The following BBS7 variants were observed in gnomAD, a reference collection of about 807,000 sequenced individuals.
BBS7 encodes the protein BBSome complex member BBS7.
Under a neutral mutation model 90.3 loss-of-function variants are expected in BBS7, and 50 were observed. That is an observed-to-expected ratio of 0.55 (90% confidence interval 0.44 to 0.70). The LOEUF (loss-of-function observed/expected upper bound fraction) is 0.70, where lower values mean the gene tolerates loss of function less well. BBS7 is among the 30% of genes least tolerant of loss of function. BBS7 has a pLI of 0.00. For missense variants in BBS7, 729 were observed against 838.9 expected (o/e 0.87, Z 1.62); for synonymous variants, 235 against 287.4 (o/e 0.82, Z 1.85).
intron 2 of BBS7, among the ~76,000 whole-genome samples, chr4:121,866,528 C>G (rs995488052): frequency 6.6e-6 from 1 of 151,960 alleles, no homozygotes; most frequent in Non-Finnish European, 1.5e-5. Flanking sequence ...GCCTCCCAAA[C>G]TGCAGGGATT....
intron 13 of BBS7, among the ~76,000 whole-genome samples, chr4:121,837,628 A>G (rs1345361282): frequency 6.6e-6 from 1 of 152,102 alleles, no homozygotes; most frequent in Non-Finnish European, 1.5e-5. Flanking sequence ...ATTCTGTTGC[A>G]TGGCCTATTT....
Position 121,828,318 on chromosome 4 carries a change from A to G in BBS7, c.1891-49T>C, listed in dbSNP as rs756228493. The G allele has an allele frequency of 4.4e-6, 7 of 1,593,332 alleles. 1 individual carries two copies. The South Asian group carries it at 5.5e-5, about 13-fold the overall frequency. ...CACCTTAATATTCAAAATTCAATCC[A>G]ATGTAATGTTAAAGTATTGATAATT... is the stretch of plus-strand genomic sequence containing the variant. On this transcript the variant is annotated intron_variant, in intron 17 of 18. Coordinates refer to ENST00000264499, the MANE Select transcript of BBS7 (RefSeq NM_176824.3).
chr4:121,852,903 C>T (rs1726395366), intron 8 of BBS7, 53 bp downstream of exon 8: 1 of 1,550,606 alleles, frequency 6.4e-7, no homozygotes, highest in Non-Finnish European at 8.9e-7. Flanking sequence ...CATCTGTCAT[C>T]TCTATAATAA....
At chr4:121,827,322 G>A (rs1415851667) in intron 18 of BBS7, among the ~76,000 whole-genome samples, 1 of 152,178 alleles carries the variant, frequency 6.6e-6, no homozygotes, top group East Asian at 1.9e-4. Flanking sequence ...GATACCAATT[G>A]GCTCTACAGT....
chr4:121,845,582 T>C lies in BBS7; in HGVS notation c.1152A>G (p.Lys384=). The change falls in exon 11 of 19, where the codon AAA becomes AAG. Residue 384 remains lysine, a synonymous_variant. Coordinates refer to ENST00000264499, the MANE Select transcript of BBS7 (RefSeq NM_176824.3). ...TGGCATCATCTTTATTTAGTGTAAA[T>C]TTATCATTTATACCAAAGGAAGGTA... is the stretch of plus-strand genomic sequence containing the variant. The part of the protein sequence containing the change: ...SAVPSFGIND[K]FTLNKDDASY... 1 of 1,612,960 alleles carries C rather than the reference T, an allele frequency of 6.2e-7. No individual in the cohort carries two copies. Among genetic ancestry groups the C allele is most frequent in the Non-Finnish European group, 8.5e-7 (1 of 1,179,270 alleles).
rs142506628 is a variant in BBS7 at position 121,854,893 on chromosome 4, A to T, written c.602-73T>A. On this transcript the variant is annotated intron_variant, in intron 6 of 18. Coordinates refer to ENST00000264499, the MANE Select transcript of BBS7 (RefSeq NM_176824.3). ...ATCTCTTTAAAATTAAAATGTTGTT[A>T]TGTAAAAATATCATTTTAAAAAGTA... is the stretch of plus-strand genomic sequence containing the variant. 8.3e-4 allele frequency: 1,142 copies of T among 1,383,236 alleles called. 13 individuals carry two copies. The African/African-American group carries it at 0.014, about 17-fold the overall frequency. 85.7% of individuals were successfully genotyped at this position (1,383,236 alleles called of 1,614,324 possible). A position where few individuals can be genotyped will look rare whatever the true frequency, so the allele number is the denominator to read the frequency against.
intron 2 of BBS7, among the ~76,000 whole-genome samples, chr4:121,865,237 CTCTCT>C (rs778780318): frequency 9.3e-5 from 10 of 107,380 alleles, no homozygotes; most frequent in East Asian, 2.7e-4. Context: ...TCATTCTTCT[CTCTCT>C]TTTTTTTTTT....
Position 121,856,894 on chromosome 4 carries a change from C to T in BBS7, c.529-1333G>A, listed in dbSNP as rs1578561922. Among the ~76,000 whole-genome samples, 3 of 151,684 alleles carry T rather than the reference C, an allele frequency of 2.0e-5. No individual in the cohort carries two copies. In the South Asian group the frequency reaches 6.2e-4, roughly 31 times the overall value. ...AAGTGATTCTCCTGTCTCAGCTGCC[C>T]GAGTAGCTGGATTACAGGTGCAGGC... On this transcript the variant is annotated intron_variant, in intron 5 of 18. Transcript: ENST00000264499.
intron 15 of BBS7, among the ~76,000 whole-genome samples, chr4:121,831,322 C>CAA: frequency 6.6e-6 from 1 of 151,586 alleles, no homozygotes; most frequent in Non-Finnish European, 1.5e-5. Context: ...AAGGGAGAAT[C>CAA]AAAGAAGGCT....
intron 14 of BBS7, among the ~76,000 whole-genome samples, chr4:121,834,546 A>T (rs1725352545): frequency 6.6e-6 from 1 of 152,184 alleles, no homozygotes; most frequent in Non-Finnish European, 1.5e-5. Flanking sequence ...TCCATTTCTC[A>T]TTTGTAAAAT....
At chr4:121,852,437 T>A (rs1362156301) in intron 8 of BBS7, among the ~76,000 whole-genome samples, 1 of 152,152 alleles carries the variant, frequency 6.6e-6, no homozygotes, top group Non-Finnish European at 1.5e-5. Flanking sequence ...TAGCTTGGCA[T>A]AAATGAGTTT....
rs541953201 is a variant in BBS7 at position 121,840,515 on chromosome 4, T to C, written c.1306-819A>G. Among the ~76,000 whole-genome samples, 9 of 152,274 alleles carry C rather than the reference T, an allele frequency of 5.9e-5. No homozygotes were observed. In the South Asian group the frequency reaches 1.9e-3, roughly 32 times the overall value. On this transcript the variant is annotated intron_variant, in intron 12 of 18. Transcript: ENST00000264499. ...ATCTCTTCTCTGTATTCCCAGCAAA[T>C]GGCACAGTGCCTGGCATACTGTAAG...
rs2149045672 is a variant in BBS7, at chr4:121,825,935, A to G, written c.2073T>C (p.Thr691=). The part of the protein sequence containing the change: ...KFKFKGTNVK[T]KVPLLLEILD... ...GAATTTCCAATAGAAGGGGTACTTT[A>G]GTTTTTACATTGGTGCCTTTAAACT... is the stretch of plus-strand genomic sequence containing the variant. Residue 691 remains threonine (T), a synonymous_variant, in exon 19 of 19, where the codon ACT becomes ACC. Coordinates refer to ENST00000264499, the MANE Select transcript of BBS7 (RefSeq NM_176824.3). The G allele has an allele frequency of 6.2e-7, 1 of 1,610,696 alleles. No homozygotes were observed. Among genetic ancestry groups the G allele is most frequent in the Non-Finnish European group, 8.5e-7 (1 of 1,177,350 alleles).
chr4:121,847,633 C>T (rs758346297), intron 9 of BBS7, 127 bp from the exon 10 acceptor site: 75 of 681,588 alleles, frequency 1.1e-4, no homozygotes, highest in Non-Finnish European at 1.4e-4. Context: ...CTAACTTAAC[C>T]CTAGGACTTC....
intron 11 of BBS7, among the ~76,000 whole-genome samples, chr4:121,844,480 T>C (rs986336913): frequency 6.6e-6 from 1 of 152,080 alleles, no homozygotes; most frequent in African/African-American, 2.4e-5. Flanking sequence ...CTAGAGTTGT[T>C]CAATGCAACA....
At chr4:121,833,711 TA>T (rs1363317260) in intron 14 of BBS7, among the ~76,000 whole-genome samples, 2 of 152,142 alleles carry the variant, frequency 1.3e-5, no homozygotes, top group East Asian at 3.8e-4. Context: ...TTTATTTTTT[TA>T]TTTTTTTATT....
chr4:121,853,101 A>C lies in BBS7; in HGVS notation c.719-15T>G. ...ACACAAAATACCTTTAAAAAGAGAT[A>C]TGTGATAAGTTATTAAGAAGACTAA... On this transcript the variant is annotated splice_polypyrimidine_tract_variant and intron_variant, in intron 7 of 18. Coordinates refer to ENST00000264499, the MANE Select transcript of BBS7 (RefSeq NM_176824.3). 1 of 1,611,142 alleles carries C rather than the reference A, an allele frequency of 6.2e-7. No individual in the cohort carries two copies. Among genetic ancestry groups the C allele is most frequent in the South Asian group, 1.1e-5 (1 of 90,996 alleles).
chr4:121,832,430 C>G (rs943056921), intron 15 of BBS7, among the ~76,000 whole-genome samples: 1 of 152,070 alleles, frequency 6.6e-6, no homozygotes, highest in African/African-American at 2.4e-5. Context: ...CAGGAGGATC[C>G]AAGCTTAATG....
chr4:121,855,221 T>A (rs1168346443), intron 6 of BBS7, among the ~76,000 whole-genome samples: 1 of 151,910 alleles, frequency 6.6e-6, no homozygotes, highest in Non-Finnish European at 1.5e-5. Flanking sequence ...GGTGGGAGGA[T>A]CCCTTGAGCC....
Sources: allele counts gnomAD v4.1 joint callset (sites outside exome capture counted in the v4.1 genomes callset), GRCh38; gene constraint gnomAD v4.1.1; transcripts MANE v1.5; gene names NCBI Gene and HGNC (gene_info 2026-07-23, HGNC 2026-07-21).